LRP1B: variants seen among roughly 807,000 people sequenced by gnomAD.
LRP1B encodes LDL receptor related protein 1B, also known as low-density lipoprotein receptor-related protein 1B.
Under a neutral mutation model 556.6 loss-of-function variants are expected in LRP1B, and 217 were observed. That is an observed-to-expected ratio of 0.39 (90% CI 0.35 to 0.44). The LOEUF (loss-of-function observed/expected upper bound fraction) is 0.44, where lower values mean the gene tolerates loss of function less well. Among genes scored for constraint, LRP1B ranks in the 20% least tolerant of loss-of-function variants. The pLI is 1.00. For synonymous variants in LRP1B, 2,047 were observed against 1,865.8 expected (o/e 1.10, Z -2.50); for missense variants, 5,053 against 5,620.8 (o/e 0.90, Z 3.23).
intron 3 of LRP1B, among the ~76,000 whole-genome samples, chr2:141,379,657 G>C (rs1689566509): frequency 1.3e-5 from 2 of 152,166 alleles, no homozygotes; most frequent in South Asian, 2.1e-4. Flanking sequence ...CACTTATCTA[G>C]CACCCCAACT....
intron 7 of LRP1B, among the ~76,000 whole-genome samples, chr2:141,145,535 CT>C (rs71723433): frequency 1.8e-3 from 252 of 143,972 alleles, no homozygotes; most frequent in Middle Eastern, 3.6e-3. Flanking sequence ...TTTAATTAAA[CT>C]TTTTTTTTTT....
At chr2:140,637,712 G>A (rs1444919976) in intron 41 of LRP1B, among the ~76,000 whole-genome samples, 2 of 152,070 alleles carry the variant, frequency 1.3e-5, no homozygotes, top group Admixed American at 6.6e-5. Flanking sequence ...AAAAAGGAAG[G>A]AATGGTTTTG....
intron 15 of LRP1B, among the ~76,000 whole-genome samples, chr2:140,994,400 T>TGTG (rs1230038539): frequency 6.6e-6 from 1 of 151,266 alleles, no homozygotes; most frequent in Non-Finnish European, 1.5e-5. Context: ...TGTGTGTGTG[T>TGTG]GTGTGTGTGT....
At chr2:141,171,537 G>A (rs1024619032) in intron 7 of LRP1B, among the ~76,000 whole-genome samples, 2 of 150,816 alleles carry the variant, frequency 1.3e-5, no homozygotes, top group Non-Finnish European at 2.9e-5. Flanking sequence ...TTCTCACTTT[G>A]CATATTGTCA....
intron 1 of LRP1B, among the ~76,000 whole-genome samples, chr2:141,944,270 T>C (rs955859211): frequency 6.6e-5 from 10 of 152,198 alleles, no homozygotes; most frequent in African/African-American, 2.2e-4. Flanking sequence ...TTTTTATTAT[T>C]GTTATTCAAT....
chr2:141,658,637 T>A (rs1690102425), intron 2 of LRP1B, among the ~76,000 whole-genome samples: 1 of 152,196 alleles, frequency 6.6e-6, no homozygotes, highest in South Asian at 2.1e-4. Flanking sequence ...GCCCAGTCAA[T>A]CCACAAAGTC....
chr2:141,093,587 G>T (rs1700223807), intron 7 of LRP1B, among the ~76,000 whole-genome samples: 1 of 152,094 alleles, frequency 6.6e-6, no homozygotes. Flanking sequence ...ACTGCCTGCT[G>T]TGCAAACACA....
chr2:140,765,688 T>A (rs73961485), intron 35 of LRP1B, among the ~76,000 whole-genome samples: 1 of 152,096 alleles, frequency 6.6e-6, no homozygotes, highest in Non-Finnish European at 1.5e-5. Context: ...AAAAAACAAT[T>A]TGTTCATTGT....
At chr2:142,034,051 T>A (rs1400838517) in intron 1 of LRP1B, among the ~76,000 whole-genome samples, 1 of 151,730 alleles carries the variant, frequency 6.6e-6, no homozygotes, top group Admixed American at 6.6e-5. Context: ...CCACCTCATT[T>A]ACATTGCATT....
chr2:141,219,468 G>C (rs1682946592), intron 6 of LRP1B, among the ~76,000 whole-genome samples: 1 of 152,188 alleles, frequency 6.6e-6, no homozygotes, highest in Non-Finnish European at 1.5e-5. Context: ...GGAGACCCTG[G>C]GGGAAGGTGT....
intron 21 of LRP1B, among the ~76,000 whole-genome samples, chr2:140,909,392 T>C (rs190840855): frequency 5.9e-5 from 9 of 152,106 alleles, no homozygotes; most frequent in Admixed American, 3.3e-4. Context: ...AATTAAAATA[T>C]AGGTGCAAAA....
At chr2:141,474,273 T>C (rs1287424333) in intron 3 of LRP1B, among the ~76,000 whole-genome samples, 2 of 152,108 alleles carry the variant, frequency 1.3e-5, no homozygotes, top group African/African-American at 4.8e-5. Flanking sequence ...TTTTAGAAAA[T>C]TTGGAATACA....
intron 1 of LRP1B, among the ~76,000 whole-genome samples, chr2:141,901,907 G>A (rs1699629453): frequency 6.6e-6 from 1 of 151,348 alleles, no homozygotes; most frequent in Non-Finnish European, 1.5e-5. Flanking sequence ...CCATGATCAA[G>A]AACAAATATG....
rs1690839168 is a variant in LRP1B at position 140,534,079 on chromosome 2, G to T, written c.7704C>A (p.Gly2568=). The T allele has an allele frequency of 2.5e-6, 4 of 1,613,190 alleles. No individual in the cohort carries two copies. The highest frequency in any genetic ancestry group is 2.7e-5 in the African/African-American group (2 of 74,848). ...AGTCATTTTCTCCATCACATAACTT[G>T]CCATGAGGAATGCAGCGGCGATTAT... ...PCYNRRCIPH[G]KLCDGENDCG... is the part of the protein sequence containing the mutation. Residue 2568 remains glycine (G), a synonymous_variant, in exon 47 of 91, where the codon GGC becomes GGA. Coordinates refer to ENST00000389484, the MANE Select transcript of LRP1B (RefSeq NM_018557.3).
intron 7 of LRP1B, among the ~76,000 whole-genome samples, chr2:141,174,885 A>G (rs536435244): frequency 6.6e-6 from 1 of 152,210 alleles, no homozygotes; most frequent in East Asian, 1.9e-4. Flanking sequence ...AATGCTTATA[A>G]CAAAATGGAC....
intron 7 of LRP1B, among the ~76,000 whole-genome samples, chr2:141,171,201 C>G (rs562115661): frequency 6.6e-6 from 1 of 152,138 alleles, no homozygotes; most frequent in South Asian, 2.1e-4. Flanking sequence ...AACTAAAGTC[C>G]ATAGATTACA....
At chr2:142,129,591 TC>T (rs1559087046) in intron 1 of LRP1B, among the ~76,000 whole-genome samples, 5 of 8,590 alleles carry the variant, frequency 5.8e-4, no homozygotes, top group Admixed American at 3.4e-3. Context: ...TCTTTCTCTC[TC>T]TCTCTCTCTC....
intron 43 of LRP1B, among the ~76,000 whole-genome samples, chr2:140,579,250 T>C (rs1043366669): frequency 3.9e-5 from 6 of 152,108 alleles, no homozygotes; most frequent in Non-Finnish European, 5.9e-5. Flanking sequence ...GAACATTTGC[T>C]TTCACCTTCC....
intron 20 of LRP1B, among the ~76,000 whole-genome samples, chr2:140,945,937 G>A (rs995436627): frequency 6.6e-6 from 1 of 152,094 alleles, no homozygotes; most frequent in Non-Finnish European, 1.5e-5. Flanking sequence ...CAGAATGGGG[G>A]CAAGTCTTTG....
Sources: gnomAD v4.1 joint callset for allele counts (sites outside exome capture counted in the v4.1 genomes callset) on GRCh38, gnomAD v4.1.1 for gene constraint, MANE v1.5 for transcripts, NCBI Gene and HGNC (gene_info 2026-07-23, HGNC 2026-07-21) for gene names.